The following GPR158 variants were observed in gnomAD, a reference collection of about 807,000 sequenced individuals.
GPR158 encodes the protein G protein-coupled receptor 158, also known as metabotropic glycine receptor.
A neutral mutation model predicts 78.2 loss-of-function variants in GPR158; 30 were observed. That is an observed-to-expected ratio of 0.38 (90% CI 0.29 to 0.52). The LOEUF is 0.52. Among genes scored for constraint, GPR158 ranks in the 20% least tolerant of loss-of-function variants. The pLI is 0.83. For synonymous variants in GPR158, 581 were observed against 591.1 expected (o/e 0.98, Z 0.25); for missense variants, 1,463 against 1,523.5 (o/e 0.96, Z 0.66).
chr10:25,296,477 TTCTATC>T (rs1442556186), intron 2 of GPR158, among the ~76,000 whole-genome samples: 1 of 141,044 alleles, frequency 7.1e-6, no homozygotes, highest in East Asian at 1.9e-4. Flanking sequence ...CTGTCTGTCT[TTCTATC>T]TATATCTAAT....
At chr10:25,504,874 G>C (rs1835990845) in intron 5 of GPR158, among the ~76,000 whole-genome samples, 1 of 152,214 alleles carries the variant, frequency 6.6e-6, no homozygotes, top group African/African-American at 2.4e-5. Context: ...TGGCTTAGAT[G>C]CAGTAAGTAT....
intron 2 of GPR158, among the ~76,000 whole-genome samples, chr10:25,337,884 A>T (rs927535437): frequency 2.1e-4 from 32 of 152,138 alleles, no homozygotes; most frequent in Non-Finnish European, 1.5e-5. Flanking sequence ...ATAACTAATG[A>T]GGGTGAACAC....
At chr10:25,494,419 C>T (rs1835851598) in intron 5 of GPR158, among the ~76,000 whole-genome samples, 1 of 152,120 alleles carries the variant, frequency 6.6e-6, no homozygotes, top group South Asian at 2.1e-4. Flanking sequence ...GTAAAGCCCT[C>T]CCATATTCCA....
chr10:25,543,327 G>A (rs1836615289), intron 5 of GPR158, among the ~76,000 whole-genome samples: 1 of 151,976 alleles, frequency 6.6e-6, no homozygotes, highest in African/African-American at 2.4e-5. Flanking sequence ...CACCATGTTG[G>A]CCAGGCTAGT....
At chr10:25,495,459 A>G (rs1234642109) in intron 5 of GPR158, among the ~76,000 whole-genome samples, 1 of 151,410 alleles carries the variant, frequency 6.6e-6, no homozygotes, top group Non-Finnish European at 1.5e-5. Context: ...CGCCCGGCCA[A>G]TTTTTTGTAT....
At chr10:25,513,431 T>A (rs1836112588) in intron 5 of GPR158, among the ~76,000 whole-genome samples, 1 of 152,022 alleles carries the variant, frequency 6.6e-6, no homozygotes, top group African/African-American at 2.4e-5. Context: ...TCTTGGTTAA[T>A]CTCACTAACA....
At chr10:25,287,294 C>T (rs879756412) in intron 2 of GPR158, among the ~76,000 whole-genome samples, 6 of 151,982 alleles carry the variant, frequency 3.9e-5, no homozygotes, top group African/African-American at 1.2e-4. Context: ...TAAGGGTGCA[C>T]ATCTTTCTTG....
intron 2 of GPR158, among the ~76,000 whole-genome samples, chr10:25,379,868 G>A (rs977207105): frequency 1.4e-5 from 2 of 143,012 alleles, no homozygotes; most frequent in South Asian, 4.7e-4. Context: ...CAGAAATGCA[G>A]AACACAGGAC....
At chr10:25,356,277 G>T (rs145144409) in intron 2 of GPR158, among the ~76,000 whole-genome samples, 1 of 151,992 alleles carries the variant, frequency 6.6e-6, no homozygotes, top group Non-Finnish European at 1.5e-5. Flanking sequence ...GAGTTCTGGG[G>T]TATTGCTGAT....
At chr10:25,309,505 C>A (rs536095922) in intron 2 of GPR158, among the ~76,000 whole-genome samples, 1 of 152,070 alleles carries the variant, frequency 6.6e-6, no homozygotes, top group South Asian at 2.1e-4. Context: ...CCTTTACATT[C>A]TGTTGATAGT....
At chr10:25,262,968 A>G (rs902900675) in intron 2 of GPR158, among the ~76,000 whole-genome samples, 1 of 152,114 alleles carries the variant, frequency 6.6e-6, no homozygotes, top group Admixed American at 6.6e-5. Flanking sequence ...GTAGGTATGT[A>G]TTGCAAATAT....
chr10:25,419,760 G>A (rs1156413507), intron 4 of GPR158, among the ~76,000 whole-genome samples: 2 of 152,030 alleles, frequency 1.3e-5, no homozygotes, highest in Non-Finnish European at 2.9e-5. Flanking sequence ...AATGATTAGT[G>A]ACAGTTGAAC....
At chr10:25,559,873 A>AC (rs1477424127) in intron 6 of GPR158, among the ~76,000 whole-genome samples, 2 of 152,218 alleles carry the variant, frequency 1.3e-5, no homozygotes, top group Non-Finnish European at 2.9e-5. Context: ...TTTTGTCACA[A>AC]TATGTAACTC....
chr10:25,598,773 C>T lies in GPR158; in HGVS notation c.3147C>T (p.His1049=), dbSNP rs765216316. 1.7e-5 allele frequency: 27 copies of T among 1,613,960 alleles called. No homozygotes were observed. The highest frequency in any genetic ancestry group is 3.3e-4 in the Middle Eastern group (2 of 6,084). The change falls in exon 11 of 11, where the codon CAC becomes CAT. Residue 1049 remains histidine (H), a synonymous_variant. Coordinates refer to ENST00000376351, the MANE Select transcript of GPR158 (RefSeq NM_020752.3). ...NPTFSLKEKS[H]HKPKAAEVCQ... ...CTTTTTCCTTAAAGGAGAAATCTCA[C>T]CACAAGCCTAAGGCAGCTGAGGTTT...
Position 25,176,125 on chromosome 10 carries a change from C to G in GPR158, c.705C>G (p.His235Gln). ...GLRRKWRPHL[H>Q]RRGPNQGPRG... ...GGCGCAAGTGGAGGCCCCACTTACA[C>G]CGCCGCGGCCCCAATCAGGGGCCCC... Residue 235 changes from histidine (H) to glutamine (Q), a missense_variant, in exon 1 of 11, where the codon CAC (histidine) becomes CAG (glutamine). Coordinates refer to ENST00000376351, the MANE Select transcript of GPR158 (RefSeq NM_020752.3). The surrounding 1 kb of genome is among the most constrained non-coding windows in gnomAD (Gnocchi z 6.3). 1.3e-6 allele frequency: 2 copies of G among 1,572,460 alleles called. No individual in the cohort carries two copies. Among genetic ancestry groups the G allele is most frequent in the Non-Finnish European group, 1.7e-6 (2 of 1,160,216 alleles).
rs1305829895 is a variant in GPR158, at chr10:25,366,473, A to G, written c.1009-29438A>G. Among the ~76,000 whole-genome samples, 5 of 151,710 alleles carry G rather than the reference A, an allele frequency of 3.3e-5. No homozygotes were observed. The East Asian group carries it at 9.7e-4, about 29-fold the overall frequency. On this transcript the variant is annotated intron_variant, in intron 2 of 10. Transcript: ENST00000376351. ...TAAAAATTATATGTATTTATGGTTT[A>G]CAACATGGTATTTTGATCTGTGCAC...
At position 25,600,117 on chromosome 10, in the gene GPR158, A is replaced by G. The variant is rs1241654926; in HGVS notation, c.*843A>G. On this transcript the variant is annotated 3_prime_UTR_variant, in exon 11 of 11. Coordinates refer to ENST00000376351, the MANE Select transcript of GPR158 (RefSeq NM_020752.3). ...CAGGGTTTTTTATACAAGTTGAGTTACTTGTTTTGCACTTCTTGTTAGGAC... is the reference window on the plus strand; with the variant it reads ...CAGGGTTTTTTATACAAGTTGAGTTGCTTGTTTTGCACTTCTTGTTAGGAC... The G allele has an allele frequency of 6.6e-6, 1 of 152,610 alleles. No homozygotes were observed. The highest frequency in any genetic ancestry group is 1.5e-5 in the Non-Finnish European group (1 of 68,010). 9.5% of individuals were successfully genotyped at this position (152,610 alleles called of 1,614,324 possible).
intron 2 of GPR158, among the ~76,000 whole-genome samples, chr10:25,285,125 A>G (rs1034770143): frequency 6.6e-6 from 1 of 151,126 alleles, no homozygotes; most frequent in African/African-American, 2.4e-5. Flanking sequence ...ACTATCTAGC[A>G]TGATATTATT....
At chr10:25,503,598 A>G (rs1440678335) in intron 5 of GPR158, among the ~76,000 whole-genome samples, 1 of 152,158 alleles carries the variant, frequency 6.6e-6, no homozygotes, top group East Asian at 1.9e-4. Flanking sequence ...ATCTCTGGGT[A>G]TATTATTCCT....
Sources: allele counts gnomAD v4.1 joint callset (sites outside exome capture counted in the v4.1 genomes callset), GRCh38; gene constraint gnomAD v4.1.1; non-coding constraint Gnocchi (gnomAD v3.1); transcripts MANE v1.5; gene names NCBI Gene and HGNC (gene_info 2026-07-23, HGNC 2026-07-21).